ANKRD11: variants seen among roughly 807,000 people sequenced by gnomAD.
ANKRD11 encodes the protein ankyrin repeat domain-containing protein 11.
In ANKRD11, 17 loss-of-function variants were observed where a neutral mutation model predicts 195.7. That is an observed-to-expected ratio of 0.09 (90% CI 0.06 to 0.13). ANKRD11 has a LOEUF of 0.13. Ranked by LOEUF, ANKRD11 falls within the 10% of genes least tolerant of loss-of-function variation. ANKRD11 has a pLI of 1.00. For missense variants in ANKRD11, 3,735 were observed against 3,566.1 expected (o/e 1.05, Z -1.21); for synonymous variants, 1,953 against 1,528.1 (o/e 1.28, Z -6.49).
chr16:89,316,209 G>A (rs1159618753), intron 3 of ANKRD11, among the ~76,000 whole-genome samples: 3 of 152,140 alleles, frequency 2.0e-5, no homozygotes, highest in African/African-American at 4.8e-5. Flanking sequence ...GCAGAGACAG[G>A]AAGCTGACTC....
Position 89,267,830 on chromosome 16 carries a change from C to T in ANKRD11, c.*648G>A, listed in dbSNP as rs1237202183. On this transcript the variant is annotated 3_prime_UTR_variant, in exon 13 of 13. Transcript: ENST00000301030. ...ATTGGCTCTGTAGTGTTTCAAGTTA[C>T]GTTCTCAGAAAGAGAAACAAAATGC... The T allele has an allele frequency of 1.3e-5, 2 of 152,348 alleles. No homozygotes were observed. Among genetic ancestry groups the T allele is most frequent in the Admixed American group, 6.6e-5 (1 of 15,256 alleles). The allele number at this position is 152,348 out of a possible 1,614,324, so 9.4% of individuals were successfully genotyped here.
At chr16:89,292,458 G>A (rs2035124863) in intron 4 of ANKRD11, among the ~76,000 whole-genome samples, 2 of 152,210 alleles carry the variant, frequency 1.3e-5, no homozygotes, top group African/African-American at 4.8e-5. Flanking sequence ...TTCCTAAGAG[G>A]ACGCTGCCCA....
chr16:89,444,675 G>C (rs559075470), intron 1 of ANKRD11, among the ~76,000 whole-genome samples: 1 of 152,306 alleles, frequency 6.6e-6, no homozygotes, highest in Admixed American at 6.5e-5. Context: ...TCCAGGCATA[G>C]TGGCTCACGC....
At position 89,284,358 on chromosome 16, in the gene ANKRD11, G is replaced by C. The variant is rs150810048; in HGVS notation, c.2184C>G (p.Ile728Met). ...LKRIKDTNKD[I>M]SRSFREEKDR... ...CTTTCTCTTCTCGGAAAGACCTGCT[G>C]ATGTCTTTGTTTGTGTCTTTGATTC... Residue 728 changes from isoleucine to methionine, a missense_variant, in exon 9 of 13, where the codon ATC becomes ATG. Coordinates refer to ENST00000301030, the MANE Select transcript of ANKRD11 (RefSeq NM_013275.6). 34 of 1,613,810 alleles carry C rather than the reference G, an allele frequency of 2.1e-5. No individual in the cohort carries two copies. The African/African-American group carries it at 3.6e-4, about 17-fold the overall frequency.
At position 89,342,245 on chromosome 16, in the gene ANKRD11, A is replaced by G. The variant is rs1279627794; in HGVS notation, c.-59-25167T>C. On this transcript the variant is annotated intron_variant, in intron 2 of 12. Coordinates refer to ENST00000301030, the MANE Select transcript of ANKRD11 (RefSeq NM_013275.6). Reference sequence around the variant, plus strand: ...AAGATGAGGTCAACTGCCTGGGCAAAGGTTCCAGGTGGAACATCAAGAGCT... The same window carrying G: ...AAGATGAGGTCAACTGCCTGGGCAAGGGTTCCAGGTGGAACATCAAGAGCT... 2.0e-5 allele frequency among the ~76,000 whole-genome samples: 3 copies of G among 152,264 alleles called. No individual in the cohort carries two copies. The East Asian group carries it at 5.8e-4, about 29-fold the overall frequency.
intron 12 of ANKRD11, chr16:89,270,439 G>A (rs1364236718): frequency 1.4e-5 from 5 of 360,642 alleles, no homozygotes; most frequent in South Asian, 6.7e-5. Flanking sequence ...TGCCCTTCCC[G>A]GCACCTCCCC....
intron 4 of ANKRD11, chr16:89,304,956 G>C (rs1456124756): frequency 1.8e-6 from 1 of 570,484 alleles, no homozygotes. Context: ...TGCACCGGGT[G>C]CATCTCCACG....
At chr16:89,339,420 C>A (rs2038547472) in intron 2 of ANKRD11, among the ~76,000 whole-genome samples, 1 of 152,170 alleles carries the variant, frequency 6.6e-6, no homozygotes. Flanking sequence ...TCGGTAGCAT[C>A]ACACAGGTCA....
intron 1 of ANKRD11, among the ~76,000 whole-genome samples, chr16:89,462,837 CA>C (rs913573061): frequency 7.9e-5 from 12 of 151,096 alleles, no homozygotes; most frequent in African/African-American, 2.7e-4. Context: ...GCCCGGCAGC[CA>C]CCCCGTCTGG....
In ANKRD11 at chr16:89,284,844, T is replaced by C. The variant is rs768844920; in HGVS notation, c.1698A>G (p.Ser566=). 1.9e-6 allele frequency: 3 copies of C among 1,614,016 alleles called. No homozygotes were observed. In the East Asian group the frequency reaches 6.7e-5, roughly 36 times the overall value. The change falls in exon 9 of 13, where the codon TCA becomes TCG. Residue 566 remains serine (S), a synonymous_variant. Coordinates refer to ENST00000301030, the MANE Select transcript of ANKRD11 (RefSeq NM_013275.6). ...SPAWSEVSSL[S]DSTRTRLTSE... ...TTGTCAGTCTCGTCCTTGTGGAGTC[T>C]GATAAAGAACTGACCTCTGACCAAG...
chr16:89,426,875 T>C (rs2042739483), intron 1 of ANKRD11, among the ~76,000 whole-genome samples: 1 of 152,218 alleles, frequency 6.6e-6, no homozygotes, highest in Non-Finnish European at 1.5e-5. Flanking sequence ...CGCTTAGTTA[T>C]TTGTGACCTC....
intron 2 of ANKRD11, among the ~76,000 whole-genome samples, chr16:89,402,501 G>A (rs1027076256): frequency 2.0e-5 from 3 of 151,930 alleles, no homozygotes; most frequent in Non-Finnish European, 2.9e-5. Context: ...GAATGACAGG[G>A]AGACCCCGCC....
chr16:89,450,110 C>G (rs1172496533), intron 1 of ANKRD11, among the ~76,000 whole-genome samples: 1 of 152,194 alleles, frequency 6.6e-6, no homozygotes, highest in Non-Finnish European at 1.5e-5. Context: ...TCACACTCTG[C>G]TCCAGCTGCA....
rs2057262616 is a variant in ANKRD11 at position 89,476,475 on chromosome 16, CA to C, written c.-145+13769del. On this transcript the variant is annotated intron_variant, in intron 1 of 12. Coordinates refer to ENST00000301030, the MANE Select transcript of ANKRD11 (RefSeq NM_013275.6). The stretch of plus-strand genomic sequence containing the variant: ...ATCAACATCAGGAATAAATACAAAC[CA>C]AAACCTGGCCAAACCAGGAGAGGTG... Among the ~76,000 whole-genome samples, 5 of 152,292 alleles carry C rather than the reference CA, an allele frequency of 3.3e-5. No homozygotes were observed. In the South Asian group the frequency reaches 8.3e-4, roughly 25 times the overall value.
At chr16:89,344,049 G>A (rs949699751) in intron 2 of ANKRD11, among the ~76,000 whole-genome samples, 9 of 152,220 alleles carry the variant, frequency 5.9e-5, no homozygotes, top group East Asian at 5.8e-4. Flanking sequence ...GCCCGGCCCC[G>A]CCCCTCCTGC....
At chr16:89,336,771 T>C (rs1004166235) in intron 2 of ANKRD11, among the ~76,000 whole-genome samples, 2 of 152,116 alleles carry the variant, frequency 1.3e-5, no homozygotes, top group Non-Finnish European at 2.9e-5. Flanking sequence ...ACATGAGAGA[T>C]GATAAAAGGG....
At chr16:89,484,641 T>TA (rs1252304188) in intron 1 of ANKRD11, among the ~76,000 whole-genome samples, 4 of 152,186 alleles carry the variant, frequency 2.6e-5, no homozygotes, top group Admixed American at 6.5e-5. Flanking sequence ...TAATTTTACA[T>TA]AAAAAATAAC....
intron 1 of ANKRD11, among the ~76,000 whole-genome samples, chr16:89,463,223 G>C (rs938909771): frequency 3.9e-5 from 6 of 152,370 alleles, no homozygotes; most frequent in African/African-American, 1.4e-4. Flanking sequence ...CGGTTTTGTG[G>C]AATAGAAAGC....
Position 89,283,506 on chromosome 16 carries a change from C to A in ANKRD11, c.3036G>T (p.Lys1012Asn), listed in dbSNP as rs751687193. ...RHHPAREKEKKDGPDKERKEK... is the reference protein window; with the variant it reads ...RHHPAREKEKNDGPDKERKEK... Reference sequence around the variant, plus strand: ...CCTTCCTTTCCTTATCGGGGCCATCCTTCTTCTCCTTCTCTCGTGCTGGGT... The same window carrying A: ...CCTTCCTTTCCTTATCGGGGCCATCATTCTTCTCCTTCTCTCGTGCTGGGT... The change falls in exon 9 of 13, where the codon AAG (lysine) becomes AAT (asparagine). Residue 1012 changes from lysine (K) to asparagine (N), a missense_variant. Coordinates refer to ENST00000301030, the MANE Select transcript of ANKRD11 (RefSeq NM_013275.6). This position sits in a 1 kb window ranked among gnomAD's most constrained non-coding sequence, Gnocchi z 4.3. 6.2e-7 allele frequency: 1 copy of A among 1,613,794 alleles called. No homozygotes were observed. The highest frequency in any genetic ancestry group is 1.1e-5 in the South Asian group (1 of 91,030).
Sources: gnomAD v4.1 joint callset for allele counts (sites outside exome capture counted in the v4.1 genomes callset) on GRCh38, gnomAD v4.1.1 for gene constraint, Gnocchi (gnomAD v3.1) non-coding constraint, MANE v1.5 for transcripts, NCBI Gene and HGNC (gene_info 2026-07-23, HGNC 2026-07-21) for gene names.